The following ZMAT4 variants were observed in gnomAD, a reference collection of about 807,000 sequenced individuals.
The protein encoded by ZMAT4 is zinc finger matrin-type protein 4.
A neutral mutation model predicts 28.7 loss-of-function variants in ZMAT4; 17 were observed. That is an observed-to-expected ratio of 0.59 (90% CI 0.41 to 0.89). The LOEUF (loss-of-function observed/expected upper bound fraction) is 0.89, where lower values mean the gene tolerates loss of function less well. ZMAT4 is among the 40% of genes least tolerant of loss of function. The probability of loss-of-function intolerance (pLI) is 0.00; values close to 1 mark genes in which losing one functional copy is unlikely to be tolerated. For synonymous variants in ZMAT4, 117 were observed against 109.2 expected (o/e 1.07, Z -0.44); for missense variants, 240 against 283.8 (o/e 0.85, Z 1.11).
rs151055143 is a variant in ZMAT4, at chr8:40,840,520, C to T, written c.-4-14840G>A. Among the ~76,000 whole-genome samples, 181 of 152,282 alleles carry T rather than the reference C, an allele frequency of 1.2e-3. 4 individuals are homozygous for T. The highest frequency in any genetic ancestry group is 5.8e-3 in the Admixed American group (89 of 15,300). ...AAACCCTGACTGTGGCATTTCTTCT[C>T]ACTCACCTCCCCATGAAGCAGAGCT... On this transcript the variant is annotated intron_variant, in intron 1 of 6. Transcript: ENST00000297737.
chr8:40,878,662 C>A (rs1201194380), intron 1 of ZMAT4, among the ~76,000 whole-genome samples: 1 of 152,158 alleles, frequency 6.6e-6, no homozygotes, highest in Non-Finnish European at 1.5e-5. Flanking sequence ...TAGCCCGTTC[C>A]CCTGGTGCAC....
intron 5 of ZMAT4, among the ~76,000 whole-genome samples, chr8:40,613,758 C>T (rs1805891372): frequency 6.6e-6 from 1 of 152,156 alleles, no homozygotes; most frequent in Non-Finnish European, 1.5e-5. Context: ...CCTGAGTTTC[C>T]AGCTCCTTCC....
intron 5 of ZMAT4, among the ~76,000 whole-genome samples, chr8:40,670,066 A>G (rs1369269755): frequency 1.3e-5 from 2 of 152,202 alleles, no homozygotes; most frequent in Non-Finnish European, 2.9e-5. Context: ...ATTTATATAG[A>G]CATTTAAAGG....
At chr8:40,803,909 C>A (rs1380683638) in intron 2 of ZMAT4, among the ~76,000 whole-genome samples, 2 of 152,126 alleles carry the variant, frequency 1.3e-5, no homozygotes, top group African/African-American at 4.8e-5. Flanking sequence ...AAGAAATGAA[C>A]TATCAACCCA....
chr8:40,624,475 A>G (rs1364169801), intron 5 of ZMAT4, among the ~76,000 whole-genome samples: 1 of 152,330 alleles, frequency 6.6e-6, no homozygotes, highest in East Asian at 1.9e-4. Flanking sequence ...GCCCAAACTA[A>G]GATAATGTCC....
intron 3 of ZMAT4, among the ~76,000 whole-genome samples, chr8:40,722,760 A>C (rs566854630): frequency 6.6e-6 from 1 of 152,190 alleles, no homozygotes; most frequent in East Asian, 1.9e-4. Context: ...GGCTGCACGA[A>C]GCACCTCCAG....
At chr8:40,694,460 T>G (rs771735967) in intron 4 of ZMAT4, among the ~76,000 whole-genome samples, 113 of 152,124 alleles carry the variant, frequency 7.4e-4, no homozygotes, top group Non-Finnish European at 1.6e-3. Context: ...AGCCTATCCT[T>G]TCCTAGAACC....
At chr8:40,604,099 A>G (rs1277919492) in intron 5 of ZMAT4, among the ~76,000 whole-genome samples, 3 of 152,176 alleles carry the variant, frequency 2.0e-5, no homozygotes, top group African/African-American at 7.2e-5. Flanking sequence ...GAATTCATTT[A>G]TCAGATCTAG....
chr8:40,729,854 C>T (rs907251585), intron 3 of ZMAT4, among the ~76,000 whole-genome samples: 5 of 152,148 alleles, frequency 3.3e-5, no homozygotes, highest in African/African-American at 1.2e-4. Flanking sequence ...GCCTTGGCCT[C>T]CCAAAGTGCT....
chr8:40,856,879 A>T (rs951825887), intron 1 of ZMAT4, among the ~76,000 whole-genome samples: 1 of 152,172 alleles, frequency 6.6e-6, no homozygotes, highest in Non-Finnish European at 1.5e-5. Flanking sequence ...TGAACCCCAG[A>T]GTCTGCCACT....
At chr8:40,784,982 G>C (rs11991495) in intron 2 of ZMAT4, among the ~76,000 whole-genome samples, 19,648 of 152,182 alleles carry the variant, frequency 0.13, 1,825 homozygotes, top group East Asian at 0.37. Flanking sequence ...GCCAGGATTT[G>C]AACCCAGGCT....
chr8:40,720,958 T>C (rs1461025290), intron 3 of ZMAT4, among the ~76,000 whole-genome samples: 1 of 141,952 alleles, frequency 7.0e-6, no homozygotes, highest in East Asian at 1.9e-4. Context: ...TGTTTGTTTG[T>C]TTATTTGTGT....
chr8:40,838,498 A>G (rs546979016), intron 1 of ZMAT4, among the ~76,000 whole-genome samples: 2 of 152,142 alleles, frequency 1.3e-5, no homozygotes, highest in Non-Finnish European at 2.9e-5. Flanking sequence ...GTGTGCCACC[A>G]TGCCCAGCTA....
chr8:40,888,949 A>G (rs1319075314), intron 1 of ZMAT4, among the ~76,000 whole-genome samples: 5 of 152,242 alleles, frequency 3.3e-5, no homozygotes, highest in African/African-American at 1.2e-4. Flanking sequence ...ACTCACTTCT[A>G]GAGCACATGG....
At chr8:40,796,018 G>A (rs1032518947) in intron 2 of ZMAT4, among the ~76,000 whole-genome samples, 2 of 152,196 alleles carry the variant, frequency 1.3e-5, no homozygotes, top group East Asian at 1.9e-4. Flanking sequence ...ACTCTGGTGT[G>A]TGAAGAGATA....
intron 3 of ZMAT4, among the ~76,000 whole-genome samples, chr8:40,765,938 C>G (rs148975776): frequency 2.0e-5 from 3 of 152,226 alleles, no homozygotes; most frequent in Admixed American, 2.0e-4. Context: ...AATAGATACT[C>G]TCCCAATGGG....
chr8:40,809,653 T>C (rs567141908), intron 2 of ZMAT4, among the ~76,000 whole-genome samples: 5 of 152,324 alleles, frequency 3.3e-5, no homozygotes, highest in African/African-American at 1.2e-4. Context: ...TATATGTTTA[T>C]TAAGTTACCT....
At chr8:40,598,635 C>T (rs566317377) in intron 5 of ZMAT4, among the ~76,000 whole-genome samples, 1 of 152,198 alleles carries the variant, frequency 6.6e-6, no homozygotes, top group East Asian at 1.9e-4. Flanking sequence ...TGGGTTGGTT[C>T]CAAGTCTTTG....
chr8:40,623,165 G>A (rs1806257126), intron 5 of ZMAT4, among the ~76,000 whole-genome samples: 1 of 152,148 alleles, frequency 6.6e-6, no homozygotes, highest in African/African-American at 2.4e-5. Context: ...ATGGAAAAAT[G>A]GCAGCGTGGA....
Sources: gnomAD v4.1 joint callset for allele counts (sites outside exome capture counted in the v4.1 genomes callset) on GRCh38, gnomAD v4.1.1 for gene constraint, MANE v1.5 for transcripts, NCBI Gene and HGNC (gene_info 2026-07-23, HGNC 2026-07-21) for gene names.